The following GNAI1 variants were observed in gnomAD, a reference collection of about 807,000 sequenced individuals.
The protein encoded by GNAI1 is guanine nucleotide-binding protein G(i) subunit alpha-1.
Under a neutral mutation model 38.9 loss-of-function variants are expected in GNAI1, and 11 were observed. The observed-to-expected ratio is 0.28, with a 90% CI of 0.18 to 0.47. The LOEUF (loss-of-function observed/expected upper bound fraction) is 0.47. Among genes scored for constraint, GNAI1 ranks in the 20% least tolerant of loss-of-function variants. The pLI is 0.99. For synonymous variants in GNAI1, 166 were observed against 145.1 expected, an observed-to-expected ratio of 1.14 and a Z score of -1.04; for missense variants, 317 against 436.9, an observed-to-expected ratio of 0.73 and a Z score of 2.45.
At chr7:80,182,917 T>C (rs1403016200) in intron 1 of GNAI1, among the ~76,000 whole-genome samples, 1 of 152,170 alleles carries the variant, frequency 6.6e-6, no homozygotes. Flanking sequence ...ATTGGCCTCA[T>C]TCATAGGAGA....
At chr7:80,198,172 A>G (rs1219616170) in intron 3 of GNAI1, among the ~76,000 whole-genome samples, 1 of 151,962 alleles carries the variant, frequency 6.6e-6, no homozygotes, top group African/African-American at 2.4e-5. Context: ...CTGAATCCTT[A>G]AAATGTATCT....
At chr7:80,174,138 A>G (rs886439792) in intron 1 of GNAI1, among the ~76,000 whole-genome samples, 2 of 152,198 alleles carry the variant, frequency 1.3e-5, no homozygotes, top group Admixed American at 6.5e-5. Context: ...GAAATTAAAG[A>G]TGATTTTATT....
chr7:80,173,950 G>A (rs992581437), intron 1 of GNAI1, among the ~76,000 whole-genome samples: 1 of 152,174 alleles, frequency 6.6e-6, no homozygotes, highest in African/African-American at 2.4e-5. Flanking sequence ...CTGCCCAAAT[G>A]TGGTGTGGTC....
chr7:80,197,852 C>T (rs1385891877), intron 3 of GNAI1, among the ~76,000 whole-genome samples: 1 of 152,094 alleles, frequency 6.6e-6, no homozygotes, highest in Non-Finnish European at 1.5e-5. Context: ...ATATTGTCAG[C>T]TAGTACACTC....
rs1009562456 is a variant in GNAI1 at position 80,217,957 on chromosome 7, A to G, written c.*464A>G. 2 of 152,622 alleles carry G rather than the reference A, an allele frequency of 1.3e-5. No homozygotes were observed. Among genetic ancestry groups the G allele is most frequent in the African/African-American group, 4.8e-5 (2 of 41,456 alleles). The allele number at this position is 152,622 out of a possible 1,614,324, so 9.5% of individuals were successfully genotyped here. ...GTTCATGTCCTGTAAATTTTTAAGT[A>G]CAGTAATTAATATTAGGAAACATTA... On this transcript the variant is annotated 3_prime_UTR_variant, in exon 8 of 8. Transcript: ENST00000649796.
Position 80,152,199 on chromosome 7 carries a change from A to G in GNAI1, c.118+16921A>G, listed in dbSNP as rs148301965. On this transcript the variant is annotated intron_variant, in intron 1 of 7. Coordinates refer to ENST00000649796, the MANE Select transcript of GNAI1 (RefSeq NM_002069.6). The stretch of plus-strand genomic sequence containing the variant: ...GCCATGCTGGGTGTCGTCTCCTTCT[A>G]TACTGCCTCTCAGTCCTCTGTTATG... Among the ~76,000 whole-genome samples, 3 of 152,278 alleles carry G rather than the reference A, an allele frequency of 2.0e-5. No individual in the cohort carries two copies. The East Asian group carries it at 5.8e-4, about 29-fold the overall frequency.
intron 1 of GNAI1, among the ~76,000 whole-genome samples, chr7:80,159,410 A>G (rs865865232): frequency 3.3e-5 from 5 of 152,188 alleles, no homozygotes; most frequent in Non-Finnish European, 5.9e-5. Flanking sequence ...GAGCACATCT[A>G]AAGTTCAGTC....
intron 1 of GNAI1, among the ~76,000 whole-genome samples, chr7:80,177,393 C>G (rs1160366038): frequency 1.3e-5 from 2 of 152,140 alleles, no homozygotes; most frequent in Non-Finnish European, 2.9e-5. Flanking sequence ...CCTTACTGCA[C>G]ATATATAAAG....
At chr7:80,210,305 T>C in intron 5 of GNAI1, among the ~76,000 whole-genome samples, 1 of 152,198 alleles carries the variant, frequency 6.6e-6, no homozygotes, top group East Asian at 1.9e-4. Flanking sequence ...AAATTGAATT[T>C]TTTTCATTCT....
intron 1 of GNAI1, among the ~76,000 whole-genome samples, chr7:80,177,615 A>G (rs1421559753): frequency 6.6e-6 from 1 of 152,154 alleles, no homozygotes; most frequent in Non-Finnish European, 1.5e-5. Flanking sequence ...CCATGTAGCT[A>G]GGACTACAAA....
chr7:80,224,050 G>A lies in GNAI1; in HGVS notation c.*6557G>A, dbSNP rs1316825410. Reference sequence around the variant, plus strand: ...CCTCCTACACTTAAGGCTTCTAGATGCAGATTTATACAATAGTGCTAAATC... The same window carrying A: ...CCTCCTACACTTAAGGCTTCTAGATACAGATTTATACAATAGTGCTAAATC... On this transcript the variant is annotated 3_prime_UTR_variant, in exon 8 of 8. Coordinates refer to ENST00000649796, the MANE Select transcript of GNAI1 (RefSeq NM_002069.6). Among the ~76,000 whole-genome samples, 1 of 152,070 alleles carries A rather than the reference G, an allele frequency of 6.6e-6. No homozygotes were observed. The highest frequency in any genetic ancestry group is 2.4e-5 in the African/African-American group (1 of 41,412).
chr7:80,224,875 CT>C lies in GNAI1; in HGVS notation c.*7390del, dbSNP rs935644742. On this transcript the variant is annotated 3_prime_UTR_variant, in exon 8 of 8. Coordinates refer to ENST00000649796, the MANE Select transcript of GNAI1 (RefSeq NM_002069.6). ...TGGGTTATATAATTTTAAAATTCTA[CT>C]TTTTTTTACATTTTTAATGTGGTTT... Among the ~76,000 whole-genome samples, 11 of 152,022 alleles carry C rather than the reference CT, an allele frequency of 7.2e-5. No individual in the cohort carries two copies. Among genetic ancestry groups the C allele is most frequent in the African/African-American group, 2.2e-4 (9 of 41,468 alleles).
chr7:80,203,067 T>G (rs1163991903), intron 4 of GNAI1, among the ~76,000 whole-genome samples: 1 of 152,202 alleles, frequency 6.6e-6, no homozygotes, highest in East Asian at 1.9e-4. Flanking sequence ...TCTCTTACAT[T>G]GCATGGTATG....
At chr7:80,203,894 A>T in intron 5 of GNAI1, 62 bp downstream of exon 5, 1 of 991,668 alleles carries the variant, frequency 1.0e-6, no homozygotes, top group Non-Finnish European at 1.4e-6. Flanking sequence ...TTTAGAAATA[A>T]AAAGTGTAAT....
intron 1 of GNAI1, among the ~76,000 whole-genome samples, chr7:80,170,510 G>A (rs1788083281): frequency 6.6e-6 from 1 of 152,136 alleles, no homozygotes; most frequent in Non-Finnish European, 1.5e-5. Flanking sequence ...CTGAGACTGG[G>A]TAGTTTATAA....
At chr7:80,192,565 G>A (rs896862851) in intron 3 of GNAI1, among the ~76,000 whole-genome samples, 2 of 152,032 alleles carry the variant, frequency 1.3e-5, no homozygotes, top group Admixed American at 6.6e-5. Context: ...TATAATACAA[G>A]GGAAATAATA....
intron 1 of GNAI1, among the ~76,000 whole-genome samples, chr7:80,139,978 C>CT (rs377275135): frequency 0.027 from 2,675 of 98,366 alleles, 53 homozygotes; most frequent in African/African-American, 0.083. Context: ...GCCCCAATTT[C>CT]TTTTTTTTTT....
rs1787387020 is a variant in GNAI1, at chr7:80,135,160, C to T, written c.-1C>T. 1 of 1,519,562 alleles carries T rather than the reference C, an allele frequency of 6.6e-7. No individual in the cohort carries two copies. The highest frequency in any genetic ancestry group is 1.3e-5 in the South Asian group (1 of 78,402). The allele number at this position is 1,519,562 out of a possible 1,614,324, so 94.1% of individuals were successfully genotyped here. ...GGCGGCAGGCTCTCGCTTTCGGCAC[C>T]ATGGGCTGCACGCTGAGCGCCGAGG... On this transcript the variant is annotated 5_prime_UTR_variant, in exon 1 of 8. Coordinates refer to ENST00000649796, the MANE Select transcript of GNAI1 (RefSeq NM_002069.6).
rs142908338 is a variant in GNAI1, at chr7:80,199,234, C to T, written c.313C>T (p.Arg105Cys). ...FGDSARADDARQLFVLAGAAE... is the reference protein window; with the variant it reads ...FGDSARADDACQLFVLAGAAE... ...TCCTTTGAATGTTCAGGATGATGCACGCCAACTCTTTGTGCTAGCTGGAGC... is the reference window on the plus strand; with the variant it reads ...TCCTTTGAATGTTCAGGATGATGCATGCCAACTCTTTGTGCTAGCTGGAGC... Residue 105 changes from arginine (R) to cysteine (C), a missense_variant, in exon 4 of 8, where the codon CGC becomes TGC. Around this residue, in one of 5 missense-constraint regions of GNAI1, gnomAD observed 67 missense variants for 61.5 expected, o/e 1.09. Coordinates refer to ENST00000649796, the MANE Select transcript of GNAI1 (RefSeq NM_002069.6). The T allele has an allele frequency of 2.5e-6, 4 of 1,609,460 alleles. No individual in the cohort carries two copies. Among genetic ancestry groups the T allele is most frequent in the South Asian group, 2.2e-5 (2 of 90,042 alleles).
Sources: allele counts gnomAD v4.1 joint callset (sites outside exome capture counted in the v4.1 genomes callset), GRCh38; gene constraint gnomAD v4.1.1; regional missense constraint gnomAD v4.1.1; transcripts MANE v1.5; gene names NCBI Gene and HGNC (gene_info 2026-07-23, HGNC 2026-07-21).